The following CYP19A1 variants were observed in gnomAD, a reference collection of about 807,000 sequenced individuals.
CYP19A1 encodes aromatase.
A neutral mutation model predicts 44.4 loss-of-function variants in CYP19A1; 32 were observed. The ratio of observed to expected loss-of-function variants is 0.72; its 90% CI spans 0.54 to 0.97. The LOEUF (loss-of-function observed/expected upper bound fraction) is 0.97. CYP19A1 is among the 50% of genes least tolerant of loss of function. The pLI, the probability that CYP19A1 is intolerant of heterozygous loss-of-function variation, is 0.00. For missense variants in CYP19A1, 598 were observed against 637.8 expected (o/e 0.94, Z 0.67); for synonymous variants, 212 against 215.6 (o/e 0.98, Z 0.14).
intron 1 of CYP19A1, among the ~76,000 whole-genome samples, chr15:51,281,397 G>A (rs1367436680): frequency 1.3e-5 from 2 of 152,216 alleles, no homozygotes; most frequent in Admixed American, 6.5e-5. Context: ...TACGCAAGGG[G>A]GCTTTTTCCA....
At chr15:51,325,428 G>T (rs1040223811) in intron 1 of CYP19A1, among the ~76,000 whole-genome samples, 4 of 152,176 alleles carry the variant, frequency 2.6e-5, no homozygotes, top group African/African-American at 9.7e-5. Context: ...TGGGCTAGCA[G>T]AGTATGACAC....
intron 1 of CYP19A1, 162 bp from the exon 2 acceptor site, chr15:51,243,112 G>A: frequency 1.7e-6 from 1 of 604,022 alleles, no homozygotes; most frequent in Admixed American, 2.5e-5. Context: ...GTCAAAACAA[G>A]GAAGCCCAAG....
rs1307734942 is a variant in CYP19A1, at chr15:51,212,394, T to G, written c.1189A>C (p.Asn397His). 1 of 1,588,752 alleles carries G rather than the reference T, an allele frequency of 6.3e-7. No individual in the cohort carries two copies. Among genetic ancestry groups the G allele is most frequent in the South Asian group, 1.1e-5 (1 of 90,590 alleles). The change falls in exon 9 of 10, where the codon AAT becomes CAT. Residue 397 changes from asparagine (N) to histidine (H), a missense_variant. By Grantham distance (68) the Asn-to-His change is moderately conservative. Transcript: ENST00000396402. Reference protein sequence around the residue: ...PVKKGTNIILNIGRMHRLEFF... With the variant: ...PVKKGTNIILHIGRMHRLEFF... ...TCGAGTCTGTGCATCCTTCCAATAT[T>G]CAGGATAATGTTTGTCCCCTTTTTC...
chr15:51,311,367 A>AGATTACCC (rs2036306867), intron 1 of CYP19A1, among the ~76,000 whole-genome samples: 1 of 152,256 alleles, frequency 6.6e-6, no homozygotes, highest in Non-Finnish European at 1.5e-5. Flanking sequence ...AGCAGAATGC[A>AGATTACCC]AATGACAGAG....
At chr15:51,331,858 T>G (rs963055020) in intron 1 of CYP19A1, among the ~76,000 whole-genome samples, 22 of 152,138 alleles carry the variant, frequency 1.4e-4, no homozygotes, top group Non-Finnish European at 2.9e-5. Flanking sequence ...TATTTTTTCT[T>G]GACTTTTTAT....
intron 1 of CYP19A1, among the ~76,000 whole-genome samples, chr15:51,258,212 A>G (rs1566899042): frequency 6.6e-6 from 1 of 152,136 alleles, no homozygotes; most frequent in South Asian, 2.1e-4. Context: ...AAAGGACCGG[A>G]GGCAGTAGGT....
chr15:51,338,099 G>T (rs1221207794), intron 1 of CYP19A1, among the ~76,000 whole-genome samples: 1 of 152,160 alleles, frequency 6.6e-6, no homozygotes, highest in Non-Finnish European at 1.5e-5. Flanking sequence ...CTCCAAGCAG[G>T]CCTCATCTCT....
intron 1 of CYP19A1, among the ~76,000 whole-genome samples, chr15:51,249,843 A>G (rs1431206982): frequency 6.6e-6 from 1 of 152,194 alleles, no homozygotes; most frequent in African/African-American, 2.4e-5. Context: ...AAAAGCAGGG[A>G]AGGTTCACCC....
intron 1 of CYP19A1, among the ~76,000 whole-genome samples, chr15:51,278,538 T>C (rs1185926017): frequency 6.6e-6 from 1 of 152,150 alleles, no homozygotes; most frequent in Non-Finnish European, 1.5e-5. Flanking sequence ...GTGGGAATTG[T>C]GGGGCTACTT....
intron 4 of CYP19A1, among the ~76,000 whole-genome samples, chr15:51,224,783 C>A (rs936083718): frequency 2.6e-5 from 4 of 152,170 alleles, no homozygotes; most frequent in African/African-American, 9.7e-5. Context: ...AATTCCTTGC[C>A]TTAACTGAGA....
chr15:51,317,764 A>T (rs1292009823), intron 1 of CYP19A1, among the ~76,000 whole-genome samples: 2 of 152,206 alleles, frequency 1.3e-5, no homozygotes, highest in Non-Finnish European at 2.9e-5. Flanking sequence ...CAGAGCAGAT[A>T]ATCTTGTTCC....
At position 51,289,600 on chromosome 15, in the gene CYP19A1, C is replaced by T. The variant is rs28757120; in HGVS notation, c.-38-46650G>A. Among the ~76,000 whole-genome samples the T allele has an allele frequency of 2.6e-3, 396 of 152,276 alleles. 7 individuals carry two copies. The highest frequency in any genetic ancestry group is 0.015 in the Admixed American group (225 of 15,294). The stretch of plus-strand genomic sequence containing the variant: ...ATGGCAGGTGTTTGCCTGCAGCTTC[C>T]CACTGTGCCCCCTTTTCTCCCCACT... On this transcript the variant is annotated intron_variant, in intron 1 of 9. Coordinates refer to ENST00000396402, the MANE Select transcript of CYP19A1 (RefSeq NM_000103.4).
chr15:51,328,769 C>A (rs1440179738), intron 1 of CYP19A1, among the ~76,000 whole-genome samples: 1 of 152,120 alleles, frequency 6.6e-6, no homozygotes, highest in Non-Finnish European at 1.5e-5. Context: ...TGATTCACAT[C>A]TAAATGGAAT....
At chr15:51,243,699 C>T (rs914994545) in intron 1 of CYP19A1, among the ~76,000 whole-genome samples, 2 of 152,196 alleles carry the variant, frequency 1.3e-5, no homozygotes, top group African/African-American at 2.4e-5. Context: ...AAAGAGAGAA[C>T]AGGCAGAATA....
At chr15:51,292,351 G>C (rs535216790) in intron 1 of CYP19A1, among the ~76,000 whole-genome samples, 1 of 152,198 alleles carries the variant, frequency 6.6e-6, no homozygotes, top group Admixed American at 6.5e-5. Flanking sequence ...ACCACCACCA[G>C]CCTGCAGAAT....
chr15:51,306,232 C>T (rs1449045541), intron 1 of CYP19A1, among the ~76,000 whole-genome samples: 2 of 152,192 alleles, frequency 1.3e-5, no homozygotes, highest in Non-Finnish European at 2.9e-5. Context: ...GAGGTGTACA[C>T]ACTCGGGTAC....
intron 1 of CYP19A1, among the ~76,000 whole-genome samples, chr15:51,282,819 C>T (rs191698661): frequency 4.4e-4 from 67 of 152,262 alleles, no homozygotes; most frequent in Non-Finnish European, 6.3e-4. Flanking sequence ...GCTGAGGGCT[C>T]GGAAGAACCA....
At chr15:51,213,203 G>A (rs1210860353) in intron 8 of CYP19A1, among the ~76,000 whole-genome samples, 1 of 152,188 alleles carries the variant, frequency 6.6e-6, no homozygotes, top group African/African-American at 2.4e-5. Flanking sequence ...AGAAAGACCT[G>A]CAGTAGAGTG....
chr15:51,278,449 T>C (rs1248046683), intron 1 of CYP19A1, among the ~76,000 whole-genome samples: 1 of 152,128 alleles, frequency 6.6e-6, no homozygotes, highest in Non-Finnish European at 1.5e-5. Flanking sequence ...GTCCTAGACA[T>C]ATGCCGTAAA....
Sources: gnomAD v4.1 joint callset for allele counts (sites outside exome capture counted in the v4.1 genomes callset) on GRCh38, gnomAD v4.1.1 for gene constraint, MANE v1.5 for transcripts, NCBI Gene and HGNC (gene_info 2026-07-23, HGNC 2026-07-21) for gene names.